Variants in CEP85L observed in about 807,000 individuals in gnomAD.
CEP85L encodes the protein centrosomal protein of 85 kDa-like.
In CEP85L, 60 loss-of-function variants were observed where a neutral mutation model predicts 100.3. The ratio of observed to expected loss-of-function variants is 0.60; its 90% CI spans 0.49 to 0.74. The LOEUF is 0.74. Ranked by LOEUF, CEP85L falls within the 30% of genes least tolerant of loss-of-function variation. The pLI is 0.00. For missense variants in CEP85L, 973 were observed against 936.2 expected (o/e 1.04, Z -0.51); for synonymous variants, 319 against 322.7 (o/e 0.99, Z 0.12).
chr6:118,552,670 T>A lies in CEP85L; in HGVS notation c.1020+12859A>T, dbSNP rs1171616760. Among the ~76,000 whole-genome samples, 7 of 152,040 alleles carry A rather than the reference T, an allele frequency of 4.6e-5. No individual in the cohort carries two copies. The East Asian group carries it at 1.2e-3, about 25-fold the overall frequency. On this transcript the variant is annotated intron_variant, in intron 3 of 12. Coordinates refer to ENST00000368491, the MANE Select transcript of CEP85L (RefSeq NM_001042475.3). ...ACCATCTTGAACTTGATTTTTTTTT[T>A]AATTTCCAGCGTTACTTTTCTTGAG...
intron 1 of CEP85L, among the ~76,000 whole-genome samples, chr6:118,645,081 TTCC>T (rs1775094859): frequency 6.6e-6 from 1 of 152,162 alleles, no homozygotes. Flanking sequence ...TTATCAGGCC[TTCC>T]TCACCTCACA....
At chr6:118,514,758 T>C (rs1776171849) in intron 4 of CEP85L, among the ~76,000 whole-genome samples, 1 of 150,606 alleles carries the variant, frequency 6.6e-6, no homozygotes, top group Admixed American at 6.6e-5. Context: ...CTAAAAATAA[T>C]CAAAAGAGAG....
rs1232610948 is a variant in CEP85L at position 118,462,623 on chromosome 6, T to C, written c.*2782A>G. 1 of 151,994 alleles carries C rather than the reference T, an allele frequency of 6.6e-6. No homozygotes were observed. The highest frequency in any genetic ancestry group is 2.4e-5 in the African/African-American group (1 of 41,436). 9.4% of individuals were successfully genotyped at this position (151,994 alleles called of 1,614,324 possible). ...TTCATTATCTAAGTAAATTTTCAAA[T>C]AGATTCACTTTAAAATTTAGGTTAA... On this transcript the variant is annotated 3_prime_UTR_variant, in exon 13 of 13. Transcript: ENST00000368491.
intron 2 of CEP85L, among the ~76,000 whole-genome samples, chr6:118,603,496 C>T (rs1404867889): frequency 3.3e-5 from 5 of 152,178 alleles, no homozygotes; most frequent in Non-Finnish European, 5.9e-5. Flanking sequence ...TAAGAATACT[C>T]GCAACTAGTT....
At chr6:118,667,668 C>G (rs1011790333) in intron 1 of CEP85L, among the ~76,000 whole-genome samples, 9 of 152,194 alleles carry the variant, frequency 5.9e-5, no homozygotes, top group Non-Finnish European at 1.2e-4. Flanking sequence ...TCATTCATTT[C>G]TCTATTCACA....
chr6:118,498,340 A>T (rs1775055065), intron 5 of CEP85L, among the ~76,000 whole-genome samples: 1 of 152,092 alleles, frequency 6.6e-6, no homozygotes, highest in Non-Finnish European at 1.5e-5. Context: ...ACAAAAAATA[A>T]AAATAAATAA....
At chr6:118,491,401 T>C (rs1042218174) in intron 6 of CEP85L, 9 of 974,446 alleles carry the variant, frequency 9.2e-6, no homozygotes, top group African/African-American at 5.1e-5. Flanking sequence ...AATGAAATCA[T>C]AGACTCAATA....
At chr6:118,469,664 C>T (rs1449202771) in intron 11 of CEP85L, among the ~76,000 whole-genome samples, 1 of 152,130 alleles carries the variant, frequency 6.6e-6, no homozygotes, top group Non-Finnish European at 1.5e-5. Context: ...GTGGCGCAAT[C>T]ATGACTCACT....
At chr6:118,472,506 CATTA>C (rs1302542828) in intron 10 of CEP85L, among the ~76,000 whole-genome samples, 1 of 152,152 alleles carries the variant, frequency 6.6e-6, no homozygotes, top group African/African-American at 2.4e-5. Context: ...TCACCTAAAA[CATTA>C]ATTACTTCTC....
chr6:118,671,470 T>A (rs887647607), intron 1 of CEP85L, among the ~76,000 whole-genome samples: 11 of 152,214 alleles, frequency 7.2e-5, no homozygotes, highest in Admixed American at 3.9e-4. Flanking sequence ...AAAAAATTAA[T>A]TTCCGTTAGT....
At chr6:118,572,922 C>T (rs533503166) in intron 2 of CEP85L, among the ~76,000 whole-genome samples, 15 of 151,714 alleles carry the variant, frequency 9.9e-5, no homozygotes, top group South Asian at 8.4e-4. Flanking sequence ...ATTAGCCGGG[C>T]GCAGTGGTGC....
At position 118,579,378 on chromosome 6, in the gene CEP85L, A is replaced by C. The variant is rs1343439435; in HGVS notation, c.233-13062T>G. On this transcript the variant is annotated intron_variant, in intron 2 of 12. Coordinates refer to ENST00000368491, the MANE Select transcript of CEP85L (RefSeq NM_001042475.3). ...GGAAGCTGGTCAGAAAAAAAAAAAA[A>C]CAGTGACTTTTTACATTTACCAAAA... Among the ~76,000 whole-genome samples, 4 of 151,908 alleles carry C rather than the reference A, an allele frequency of 2.6e-5. No individual in the cohort carries two copies. In the East Asian group the frequency reaches 5.8e-4, roughly 22 times the overall value.
At chr6:118,586,396 C>G (rs375494933) in intron 2 of CEP85L, among the ~76,000 whole-genome samples, 1 of 152,090 alleles carries the variant, frequency 6.6e-6, no homozygotes, top group African/African-American at 2.4e-5. Flanking sequence ...GCACAATTAG[C>G]GAAAACCCAA....
chr6:118,496,878 A>G (rs1400968440), intron 5 of CEP85L, among the ~76,000 whole-genome samples: 1 of 152,234 alleles, frequency 6.6e-6, no homozygotes, highest in Admixed American at 6.5e-5. Flanking sequence ...TCAACAGATA[A>G]AAGTGGCTGC....
Position 118,481,915 on chromosome 6 carries a change from T to C in CEP85L, c.1609A>G (p.Lys537Glu). Reference protein sequence around the residue: ...QSLQLQILEEKNKNLQEALID... With the variant: ...QSLQLQILEEENKNLQEALID... ...AAAGCCTCTTGTAAATTCTTATTTT[T>C]TTCTTCCAGAATCTGCAGCTAAGGA... Residue 537 changes from lysine to glutamate, a missense_variant, in exon 8 of 13, where the codon AAA becomes GAA. Transcript: ENST00000368491. 6.4e-7 allele frequency: 1 copy of C among 1,563,310 alleles called. No homozygotes were observed. Among genetic ancestry groups the C allele is most frequent in the Non-Finnish European group, 8.7e-7 (1 of 1,155,088 alleles).
chr6:118,674,223 A>G (rs928846269), intron 1 of CEP85L, among the ~76,000 whole-genome samples: 1 of 152,240 alleles, frequency 6.6e-6, no homozygotes, highest in Non-Finnish European at 1.5e-5. Context: ...AAACCTCAAG[A>G]AAGTGAAGAG....
At chr6:118,567,263 A>G (rs1160276562) in intron 2 of CEP85L, among the ~76,000 whole-genome samples, 1 of 93,142 alleles carries the variant, frequency 1.1e-5, no homozygotes, top group East Asian at 2.7e-4. Flanking sequence ...ATATATATAT[A>G]TATATATATA....
chr6:118,527,404 GTTTT>G lies in CEP85L; in HGVS notation c.1021-3488_1021-3485del, dbSNP rs1777041253. ...ATGTGGCCTCCCAGGCTGAACCCTA[GTTTT>G]GGGGTTTTCCCTGTGGCACTATGGC... is the stretch of plus-strand genomic sequence containing the variant. On this transcript the variant is annotated intron_variant, in intron 3 of 12. Coordinates refer to ENST00000368491, the MANE Select transcript of CEP85L (RefSeq NM_001042475.3). Among the ~76,000 whole-genome samples the G allele has an allele frequency of 3.9e-5, 6 of 152,040 alleles. No individual in the cohort carries two copies. In the South Asian group the frequency reaches 1.2e-3, roughly 31 times the overall value.
At chr6:118,697,287 T>C (rs779578735) in intron 1 of CEP85L, among the ~76,000 whole-genome samples, 7 of 152,224 alleles carry the variant, frequency 4.6e-5, no homozygotes, top group South Asian at 2.1e-4. Flanking sequence ...GTCACACTTA[T>C]ATGAATCCCA....
Sources: gnomAD v4.1 joint callset for allele counts (sites outside exome capture counted in the v4.1 genomes callset) on GRCh38, gnomAD v4.1.1 for gene constraint, MANE v1.5 for transcripts, NCBI Gene and HGNC (gene_info 2026-07-23, HGNC 2026-07-21) for gene names.